The following CBFA2T2 variants were observed in gnomAD, a reference collection of about 807,000 sequenced individuals.
The protein encoded by CBFA2T2 is CBFA2/RUNX1 partner transcriptional co-repressor 2, also known as protein CBFA2T2.
A neutral mutation model predicts 62.2 loss-of-function variants in CBFA2T2; 11 were observed. The ratio of observed to expected loss-of-function variants is 0.18; its 90% CI spans 0.11 to 0.29. CBFA2T2 has a LOEUF of 0.29. Ranked by LOEUF, CBFA2T2 falls within the 10% of genes least tolerant of loss-of-function variation. The probability of loss-of-function intolerance (pLI) is 1.00; values close to 1 mark genes in which losing one functional copy is unlikely to be tolerated. For synonymous variants in CBFA2T2, 295 were observed against 287.5 expected (o/e 1.03, Z -0.27); for missense variants, 592 against 774.1 (o/e 0.76, Z 2.79).
chr20:33,579,671 T>C (rs1464048725), intron 1 of CBFA2T2, among the ~76,000 whole-genome samples: 1 of 152,006 alleles, frequency 6.6e-6, no homozygotes, highest in African/African-American at 2.4e-5. Context: ...TTGAGTTGAG[T>C]TGACACCTTT....
chr20:33,630,550 A>G (rs2016410624), intron 8 of CBFA2T2, among the ~76,000 whole-genome samples: 1 of 152,182 alleles, frequency 6.6e-6, no homozygotes, highest in African/African-American at 2.4e-5. Flanking sequence ...TTACCATACC[A>G]CGCTGGGTTG....
chr20:33,616,358 A>C (rs1374250700), intron 3 of CBFA2T2, among the ~76,000 whole-genome samples: 1 of 152,192 alleles, frequency 6.6e-6, no homozygotes, highest in Non-Finnish European at 1.5e-5. Flanking sequence ...AAAGATAGAC[A>C]AGGTTTCTGT....
At chr20:33,508,707 C>T (rs1001970272) in intron 1 of CBFA2T2, among the ~76,000 whole-genome samples, 2 of 152,146 alleles carry the variant, frequency 1.3e-5, no homozygotes, top group African/African-American at 2.4e-5. Context: ...TGTTAGTTTG[C>T]TAAGGATAAT....
chr20:33,574,046 C>A, intron 1 of CBFA2T2: 1 of 1,385,106 alleles, frequency 7.2e-7, no homozygotes, highest in South Asian at 1.4e-5. Context: ...ATGTTGGCTG[C>A]CCAAAGTGCT....
chr20:33,560,063 C>G (rs1465795229), intron 1 of CBFA2T2, among the ~76,000 whole-genome samples: 1 of 152,136 alleles, frequency 6.6e-6, no homozygotes, highest in Non-Finnish European at 1.5e-5. Flanking sequence ...TTTTAAATAA[C>G]AGTATTTATC....
intron 9 of CBFA2T2, among the ~76,000 whole-genome samples, chr20:33,637,966 CTTTTTTTT>C (rs67124335): frequency 6.0e-5 from 4 of 66,798 alleles, no homozygotes; most frequent in African/African-American, 8.5e-5. Flanking sequence ...TGCACCCGGC[CTTTTTTTT>C]TTTTTTTTTT....
chr20:33,571,317 A>AT, intron 1 of CBFA2T2, among the ~76,000 whole-genome samples: 1 of 152,312 alleles, frequency 6.6e-6, no homozygotes, highest in East Asian at 1.9e-4. Context: ...ATTTTCTCAC[A>AT]TTTTGTACGC....
intron 7 of CBFA2T2, 37 bp downstream of exon 7, chr20:33,628,472 T>C (rs1326083680): frequency 2.1e-6 from 3 of 1,443,016 alleles, no homozygotes; most frequent in Admixed American, 1.7e-5. Flanking sequence ...CCTAACTCTT[T>C]ATTACTTTTT....
intron 1 of CBFA2T2, among the ~76,000 whole-genome samples, chr20:33,558,452 A>G (rs1011238443): frequency 6.6e-6 from 1 of 152,002 alleles, no homozygotes; most frequent in Non-Finnish European, 1.5e-5. Context: ...CTTTTAATGT[A>G]TAGGTTCTGC....
chr20:33,644,361 T>C lies in CBFA2T2; in HGVS notation c.1503T>C (p.Cys501=), dbSNP rs371908118. 57 of 1,610,906 alleles carry C rather than the reference T, an allele frequency of 3.5e-5. No individual in the cohort carries two copies. The Admixed American group carries it at 7.8e-4, about 22-fold the overall frequency. Residue 501 remains cysteine, a synonymous_variant, in exon 11 of 11, where the codon TGT becomes TGC. Coordinates refer to ENST00000342704, the MANE Select transcript of CBFA2T2 (RefSeq NM_001032999.3). The part of the protein sequence containing the change: ...QEESTENCWN[C]GRKASETCSG... Reference sequence around the variant, plus strand: ...GTGTCTTGCAGAACTGCTGGAACTGTGGCCGCAAAGCCAGCGAGACATGCA... The same window carrying C: ...GTGTCTTGCAGAACTGCTGGAACTGCGGCCGCAAAGCCAGCGAGACATGCA...
At chr20:33,540,025 A>G (rs560005647) in intron 1 of CBFA2T2, among the ~76,000 whole-genome samples, 1 of 152,242 alleles carries the variant, frequency 6.6e-6, no homozygotes, top group South Asian at 2.1e-4. Flanking sequence ...TGAATTTTAC[A>G]TGCTACAGTG....
chr20:33,624,778 G>A lies in CBFA2T2; in HGVS notation c.707G>A (p.Ser236Asn), dbSNP rs1285136713. 6.2e-7 allele frequency: 1 copy of A among 1,614,056 alleles called. No individual in the cohort carries two copies. The highest frequency in any genetic ancestry group is 2.2e-5 in the East Asian group (1 of 44,894). ...RPSPERREEN[S>N]FDRDTIAPEP... ...TTCTTCTACAGGAGAGAAGAGAATA[G>A]TTTTGATAGAGACACAATTGCTCCT... The change falls in exon 6 of 11, where the codon AGT (serine) becomes AAT (asparagine). Residue 236 changes from serine to asparagine, a missense_variant. Ser to Asn is a conservative substitution (Grantham distance 46). Around this residue, in one of 3 missense-constraint regions of CBFA2T2, gnomAD observed 449 missense variants for 551.2 expected, o/e 0.81. Coordinates refer to ENST00000342704, the MANE Select transcript of CBFA2T2 (RefSeq NM_001032999.3).
At chr20:33,533,538 CACATTTGTT>C (rs1050916880) in intron 1 of CBFA2T2, among the ~76,000 whole-genome samples, 29 of 152,200 alleles carry the variant, frequency 1.9e-4, no homozygotes, top group Non-Finnish European at 4.1e-4. Flanking sequence ...ATGGATATAT[CACATTTGTT>C]TATTTGCCTG....
At chr20:33,559,432 C>T (rs1360615062) in intron 1 of CBFA2T2, among the ~76,000 whole-genome samples, 1 of 152,026 alleles carries the variant, frequency 6.6e-6, no homozygotes, top group Non-Finnish European at 1.5e-5. Context: ...CTTCAGCCTC[C>T]CAAGGTGCTG....
intron 1 of CBFA2T2, among the ~76,000 whole-genome samples, chr20:33,568,370 T>C (rs1285496179): frequency 2.6e-5 from 4 of 152,234 alleles, no homozygotes; most frequent in Non-Finnish European, 4.4e-5. Context: ...GTTCCCTAAC[T>C]AATTCTAAGT....
At chr20:33,499,048 G>GAAAAA (rs11406629) in intron 1 of CBFA2T2, among the ~76,000 whole-genome samples, 2 of 137,754 alleles carry the variant, frequency 1.5e-5, no homozygotes, top group Non-Finnish European at 1.6e-5. Flanking sequence ...CGTCTAAAAA[G>GAAAAA]AAAAAAAAAA....
At chr20:33,517,450 G>GTTTTTTTTTT (rs773285489) in intron 1 of CBFA2T2, among the ~76,000 whole-genome samples, 2 of 129,124 alleles carry the variant, frequency 1.5e-5, no homozygotes, top group African/African-American at 2.9e-5. Context: ...GGTTTTTTTG[G>GTTTTTTTTTT]TGTTTTTTTT....
chr20:33,582,327 A>G (rs1486360647), intron 1 of CBFA2T2, among the ~76,000 whole-genome samples: 1 of 151,508 alleles, frequency 6.6e-6, no homozygotes, highest in Non-Finnish European at 1.5e-5. Context: ...CATCTCTACT[A>G]AAAATACAAA....
intron 10 of CBFA2T2, among the ~76,000 whole-genome samples, chr20:33,641,193 C>T (rs531672247): frequency 4.6e-5 from 7 of 152,158 alleles, no homozygotes; most frequent in East Asian, 1.9e-4. Context: ...CCACCACACC[C>T]GGCTAATTTT....
Sources: gnomAD v4.1 joint callset for allele counts (sites outside exome capture counted in the v4.1 genomes callset) on GRCh38, gnomAD v4.1.1 for gene constraint, gnomAD v4.1.1 regional missense constraint, MANE v1.5 for transcripts, NCBI Gene and HGNC (gene_info 2026-07-23, HGNC 2026-07-21) for gene names.